Variants in PHKG1 observed in about 807,000 individuals in gnomAD.
PHKG1 encodes the protein phosphorylase kinase catalytic subunit gamma 1.
Under a neutral mutation model 50.5 loss-of-function variants are expected in PHKG1, and 48 were observed. The observed-to-expected ratio is 0.95, with a 90% CI of 0.75 to 1.21. The LOEUF (loss-of-function observed/expected upper bound fraction) is 1.21, where lower values mean the gene tolerates loss of function less well. PHKG1 is among the 50% of genes most tolerant of loss of function. The pLI is 0.00. For missense variants in PHKG1, 487 were observed against 519.5 expected (o/e 0.94, Z 0.61); for synonymous variants, 204 against 212.8 (o/e 0.96, Z 0.36).
Position 56,081,852 on chromosome 7 carries a change from C to G in PHKG1, c.792+41G>C, listed in dbSNP as rs765010787. 4 of 1,610,632 alleles carry G rather than the reference C, an allele frequency of 2.5e-6. No homozygotes were observed. The highest frequency in any genetic ancestry group is 2.7e-5 in the African/African-American group (2 of 74,868). ...CTCCCCGGGCAGGGGCGCCTGGCAT[C>G]GCAGCCCTGAGCCCAGGAGCCAGTT... On this transcript the variant is annotated intron_variant, in intron 8 of 9. Coordinates refer to ENST00000297373, the MANE Select transcript of PHKG1 (RefSeq NM_006213.5). This position sits in a 1 kb window ranked among gnomAD's most constrained non-coding sequence, Gnocchi z 4.6.
intron 1 of PHKG1, among the ~76,000 whole-genome samples, chr7:56,090,670 G>A (rs538935766): frequency 1.4e-4 from 21 of 152,296 alleles, no homozygotes; most frequent in African/African-American, 4.8e-4. Flanking sequence ...CCCAGTGCAG[G>A]TGTCCGGCAG....
chr7:56,085,296 C>T (rs1056694057), intron 4 of PHKG1, among the ~76,000 whole-genome samples: 2 of 151,984 alleles, frequency 1.3e-5, no homozygotes, highest in African/African-American at 4.8e-5. Flanking sequence ...TGGGGTCTCA[C>T]TTTGTTGCCC....
chr7:56,084,078 T>C, intron 4 of PHKG1: 1 of 844,224 alleles, frequency 1.2e-6, no homozygotes, highest in Non-Finnish European at 1.9e-6. Context: ...ATTACCCTAG[T>C]TCCAGGCCAG....
At position 56,081,428 on chromosome 7, in the gene PHKG1, C is replaced by T. The variant is rs1028609715; in HGVS notation, c.919-129G>A. ...GGCTTCTGCGGGGCCTTCCTAGTGT[C>T]CCCCACTTCCCACTTGGCCAGCATC... On this transcript the variant is annotated intron_variant, in intron 9 of 9. Coordinates refer to ENST00000297373, the MANE Select transcript of PHKG1 (RefSeq NM_006213.5). The surrounding 1 kb of genome is among the most constrained non-coding windows in gnomAD (Gnocchi z 4.6). 2.4e-5 allele frequency: 31 copies of T among 1,300,074 alleles called. No individual in the cohort carries two copies. Among genetic ancestry groups the T allele is most frequent in the Non-Finnish European group, 3.2e-5 (31 of 957,990 alleles). The allele number at this position is 1,300,074 out of a possible 1,614,324, so 80.5% of individuals were successfully genotyped here.
chr7:56,085,888 C>T (rs1340347284), intron 4 of PHKG1, among the ~76,000 whole-genome samples: 3 of 151,542 alleles, frequency 2.0e-5, no homozygotes, highest in Admixed American at 2.0e-4. Context: ...GCAGGAGAAT[C>T]ACTTGAACCC....
In PHKG1 at chr7:56,081,018, C is replaced by G. The variant is rs761459471; in HGVS notation, c.*36G>C. The G allele has an allele frequency of 1.9e-6, 3 of 1,608,134 alleles. No individual in the cohort carries two copies. Among genetic ancestry groups the G allele is most frequent in the African/African-American group, 1.3e-5 (1 of 74,832 alleles). The stretch of plus-strand genomic sequence containing the variant: ...TTGTATTTCCATGGCTTCCCCTCCC[C>G]ACCTGCCCCCTAGCCCTCCCTGACT... On this transcript the variant is annotated 3_prime_UTR_variant, in exon 10 of 10. Transcript: ENST00000297373. This position sits in a 1 kb window ranked among gnomAD's most constrained non-coding sequence, Gnocchi z 4.6.
At position 56,081,053 on chromosome 7, in the gene PHKG1, C is replaced by G. The variant is rs533321342; in HGVS notation, c.*1G>C. Reference sequence around the variant, plus strand: ...CTAGCCCTCCCTGACTGGCCAGCCCCTCAGTAGTCCTCCTCGGCCAGGGAG... The same window carrying G: ...CTAGCCCTCCCTGACTGGCCAGCCCGTCAGTAGTCCTCCTCGGCCAGGGAG... On this transcript the variant is annotated 3_prime_UTR_variant, in exon 10 of 10. Transcript: ENST00000297373. The surrounding 1 kb of genome is among the most constrained non-coding windows in gnomAD (Gnocchi z 4.6). The G allele has an allele frequency of 6.2e-7, 1 of 1,612,090 alleles. No homozygotes were observed. Among genetic ancestry groups the G allele is most frequent in the Non-Finnish European group, 8.5e-7 (1 of 1,179,858 alleles).
intron 3 of PHKG1, 86 bp from the exon 4 acceptor site, chr7:56,087,110 G>T: frequency 1.0e-6 from 1 of 973,056 alleles, no homozygotes; most frequent in Non-Finnish European, 1.7e-6. Flanking sequence ...GACCGAGGCT[G>T]CTGTGGGCTA....
Position 56,083,730 on chromosome 7 carries a change from G to T in PHKG1, c.318-15C>A. ...CTCTCTTCATCCTGTGGAAACAGAG[G>T]GTTGATAGCTGGATCGGTCCCAAGA... On this transcript the variant is annotated splice_polypyrimidine_tract_variant and intron_variant, in intron 4 of 9. Transcript: ENST00000297373. The T allele has an allele frequency of 1.9e-6, 3 of 1,555,512 alleles. No homozygotes were observed. Among genetic ancestry groups the T allele is most frequent in the Non-Finnish European group, 2.6e-6 (3 of 1,142,514 alleles).
In PHKG1 at chr7:56,082,199, T is replaced by G. The variant is rs375996951; in HGVS notation, c.602A>C (p.Asn201Thr). ...LAPEIIECSMNEDHPGYGKEV... is the reference protein window; with the variant it reads ...LAPEIIECSMTEDHPGYGKEV... Reference sequence around the variant, plus strand: ...TTTCCCGTAGCCCGGGTGGTCCTCATTCATGGAGCACTCGATAATCTCAGG... The same window carrying G: ...TTTCCCGTAGCCCGGGTGGTCCTCAGTCATGGAGCACTCGATAATCTCAGG... Residue 201 changes from asparagine to threonine, a missense_variant, in exon 7 of 10, where the codon AAT becomes ACT. Asn to Thr is a moderately conservative substitution (Grantham distance 65, BLOSUM62 0). Coordinates refer to ENST00000297373, the MANE Select transcript of PHKG1 (RefSeq NM_006213.5). 3.7e-6 allele frequency: 6 copies of G among 1,613,806 alleles called. No individual in the cohort carries two copies. In the African/African-American group the frequency reaches 8.0e-5, roughly 22 times the overall value.
In PHKG1 at chr7:56,081,705, C is replaced by T. The variant is rs758414312; in HGVS notation, c.843G>A (p.Glu281=). 3 of 1,613,992 alleles carry T rather than the reference C, an allele frequency of 1.9e-6. No homozygotes were observed. Among genetic ancestry groups the T allele is most frequent in the Admixed American group, 3.3e-5 (2 of 60,018 alleles). The part of the protein sequence containing the change: ...VQPQNRYTAE[E]ALAHPFFQQY... ...GCTGGAAGAAGGGGTGTGCCAAGGC[C>T]TCTTCCGCTGTGTAGCGGTTCTGGG... The change falls in exon 9 of 10, where the codon GAG becomes GAA. Residue 281 remains glutamate, a synonymous_variant. Coordinates refer to ENST00000297373, the MANE Select transcript of PHKG1 (RefSeq NM_006213.5). The surrounding 1 kb of genome is among the most constrained non-coding windows in gnomAD (Gnocchi z 4.6).
chr7:56,087,928 T>C (rs930653375), intron 2 of PHKG1, 152 bp from the exon 3 acceptor site: 29 of 583,582 alleles, frequency 5.0e-5, no homozygotes, highest in African/African-American at 4.8e-4. Flanking sequence ...GATGAATAAA[T>C]ACAGGCACAG....
At chr7:56,083,614 G>A in intron 5 of PHKG1, 36 bp downstream of exon 5, 1 of 1,553,226 alleles carries the variant, frequency 6.4e-7, no homozygotes, top group Non-Finnish European at 8.8e-7. Flanking sequence ...TAAGCCACGT[G>A]GGAGGGAGCG....
chr7:56,088,883 T>C lies in PHKG1; in HGVS notation c.59A>G (p.Tyr20Cys). ...SHSAQDFYEN[Y>C]EPKEILGRGV... ...CCTGCCCAGGATCTCTTTGGGCTCA[T>C]AATTCTCATAGAAGTCCTGTGCAGA... The change falls in exon 2 of 10, where the codon TAT (tyrosine) becomes TGT (cysteine). Residue 20 changes from tyrosine (Y) to cysteine (C), a missense_variant. By Grantham distance (194) the Tyr-to-Cys change is radical. Coordinates refer to ENST00000297373, the MANE Select transcript of PHKG1 (RefSeq NM_006213.5). 6.2e-7 allele frequency: 1 copy of C among 1,613,466 alleles called. No individual in the cohort carries two copies. Among genetic ancestry groups the C allele is most frequent in the Non-Finnish European group, 8.5e-7 (1 of 1,179,650 alleles).
At chr7:56,086,176 CT>C (rs1349852390) in intron 4 of PHKG1, among the ~76,000 whole-genome samples, 1 of 151,668 alleles carries the variant, frequency 6.6e-6, no homozygotes, top group Non-Finnish European at 1.5e-5. Flanking sequence ...TTGCTAACCC[CT>C]TGTTCTACTT....
rs1239374161 is a variant in PHKG1 at position 56,081,424 on chromosome 7, G to A, written c.919-125C>T. 11 of 1,327,662 alleles carry A rather than the reference G, an allele frequency of 8.3e-6. No individual in the cohort carries two copies. Among genetic ancestry groups the A allele is most frequent in the Non-Finnish European group, 1.0e-5 (10 of 982,634 alleles). The allele number at this position is 1,327,662 out of a possible 1,614,324, so 82.2% of individuals were successfully genotyped here. A position where few individuals can be genotyped will look rare whatever the true frequency, so the allele number is the denominator to read the frequency against. ...GGGTGGCTTCTGCGGGGCCTTCCTA[G>A]TGTCCCCCACTTCCCACTTGGCCAG... On this transcript the variant is annotated intron_variant, in intron 9 of 9. Transcript: ENST00000297373. The surrounding 1 kb of genome is among the most constrained non-coding windows in gnomAD (Gnocchi z 4.6).
At position 56,081,348 on chromosome 7, in the gene PHKG1, C is replaced by T. The variant is rs560510040; in HGVS notation, c.919-49G>A. On this transcript the variant is annotated intron_variant, in intron 9 of 9. Coordinates refer to ENST00000297373, the MANE Select transcript of PHKG1 (RefSeq NM_006213.5). The surrounding 1 kb of genome is among the most constrained non-coding windows in gnomAD (Gnocchi z 4.6). ...GGGCTGCAGCCCCCGCCCTGCCAGG[C>T]CCTGCCCCTCCAGCACAGGGACGCT... 77 of 1,560,300 alleles carry T rather than the reference C, an allele frequency of 4.9e-5. No individual in the cohort carries two copies. In the Admixed American group the frequency reaches 6.2e-4, roughly 13 times the overall value.
intron 2 of PHKG1, chr7:56,088,649 G>A (rs1219898247): frequency 4.8e-5 from 23 of 481,518 alleles, no homozygotes; most frequent in South Asian, 4.4e-4. Flanking sequence ...GAGCCATTGC[G>A]CCTGCCCCTG....
chr7:56,080,701 A>G lies in PHKG1; in HGVS notation c.*353T>C, dbSNP rs544468585. The G allele has an allele frequency of 9.7e-6, 3 of 308,666 alleles. No individual in the cohort carries two copies. The highest frequency in any genetic ancestry group is 1.8e-5 in the Non-Finnish European group (3 of 162,696). 19.1% of individuals were successfully genotyped at this position (308,666 alleles called of 1,614,324 possible). A position where few individuals can be genotyped will look rare whatever the true frequency, so the allele number is the denominator to read the frequency against. On this transcript the variant is annotated 3_prime_UTR_variant, in exon 10 of 10. Coordinates refer to ENST00000297373, the MANE Select transcript of PHKG1 (RefSeq NM_006213.5). ...TTGTGTCTTTGATCCTCACCCTGTGACCCTAAGGGAAGAAAGCCTGAGTGT... is the reference window on the plus strand; with the variant it reads ...TTGTGTCTTTGATCCTCACCCTGTGGCCCTAAGGGAAGAAAGCCTGAGTGT...
Sources: allele counts gnomAD v4.1 joint callset (sites outside exome capture counted in the v4.1 genomes callset), GRCh38; gene constraint gnomAD v4.1.1; non-coding constraint Gnocchi (gnomAD v3.1); transcripts MANE v1.5; gene names NCBI Gene and HGNC (gene_info 2026-07-23, HGNC 2026-07-21).